Variants in PTPRG observed in about 807,000 individuals in gnomAD.
The protein encoded by PTPRG is receptor-type tyrosine-protein phosphatase gamma.
A neutral mutation model predicts 165.3 loss-of-function variants in PTPRG; 102 were observed. That is an observed-to-expected ratio of 0.62 (90% confidence interval 0.53 to 0.73). The LOEUF (loss-of-function observed/expected upper bound fraction) is 0.73. Ranked by LOEUF, PTPRG falls within the 30% of genes least tolerant of loss-of-function variation. PTPRG has a pLI of 0.00. For missense variants in PTPRG, 1,866 were observed against 1,861.4 expected (o/e 1.00, Z -0.05); for synonymous variants, 675 against 669.5 (o/e 1.01, Z -0.13).
At chr3:61,671,997 C>T (rs1342639970) in intron 1 of PTPRG, among the ~76,000 whole-genome samples, 1 of 123,718 alleles carries the variant, frequency 8.1e-6, no homozygotes, top group Non-Finnish European at 1.7e-5. Flanking sequence ...CTCCTCACTT[C>T]TCAGACGGGG....
In PTPRG at chr3:62,237,398, C is replaced by T. The variant is rs370508461; in HGVS notation, c.2375+6087C>T. ...ATAAAGGACTGTCAGAGCAGCTGGG[C>T]GTGTGTGTGTTTCATTAGTCAAGAA... is the stretch of plus-strand genomic sequence containing the variant. On this transcript the variant is annotated intron_variant, in intron 14 of 29. Coordinates refer to ENST00000474889, the MANE Select transcript of PTPRG (RefSeq NM_002841.4). This position sits in a 1 kb window ranked among gnomAD's most constrained non-coding sequence, Gnocchi z 4.5. Among the ~76,000 whole-genome samples, 5 of 151,974 alleles carry T rather than the reference C, an allele frequency of 3.3e-5. No homozygotes were observed. The highest frequency in any genetic ancestry group is 1.2e-4 in the African/African-American group (5 of 41,370).
intron 5 of PTPRG, among the ~76,000 whole-genome samples, chr3:62,127,265 C>G (rs1703327794): frequency 6.6e-6 from 1 of 152,184 alleles, no homozygotes; most frequent in Non-Finnish European, 1.5e-5. Flanking sequence ...GAACCAAAAT[C>G]TAGTTAGTGG....
rs1701280847 is a variant in PTPRG at position 62,245,972 on chromosome 3, C to T, written c.2467+2074C>T. Among the ~76,000 whole-genome samples the T allele has an allele frequency of 6.6e-6, 1 of 152,134 alleles. No homozygotes were observed. The highest frequency in any genetic ancestry group is 6.5e-5 in the Admixed American group (1 of 15,274). ...AGTAGGTATATTAGACCAGAAATTG[C>T]TTTTGAATGTTTTCTGTTTCATTCC... On this transcript the variant is annotated intron_variant, in intron 15 of 29. Coordinates refer to ENST00000474889, the MANE Select transcript of PTPRG (RefSeq NM_002841.4). This position sits in a 1 kb window ranked among gnomAD's most constrained non-coding sequence, Gnocchi z 4.2.
intron 1 of PTPRG, among the ~76,000 whole-genome samples, chr3:61,728,051 C>A (rs189168780): frequency 1.3e-5 from 2 of 152,338 alleles, no homozygotes; most frequent in Admixed American, 1.3e-4. Context: ...CCATTTCCAT[C>A]TCCATGTCTT....
At chr3:61,652,549 C>G (rs984200945) in intron 1 of PTPRG, among the ~76,000 whole-genome samples, 1 of 152,102 alleles carries the variant, frequency 6.6e-6, no homozygotes, top group Non-Finnish European at 1.5e-5. Context: ...AGCAAATGTT[C>G]CCCTTCTCTG....
In PTPRG at chr3:62,233,048, T is replaced by C. The variant is rs1327437055; in HGVS notation, c.2375+1737T>C. Among the ~76,000 whole-genome samples, 1 of 152,066 alleles carries C rather than the reference T, an allele frequency of 6.6e-6. No individual in the cohort carries two copies. The highest frequency in any genetic ancestry group is 6.5e-5 in the Admixed American group (1 of 15,282). ...TGTTGTGAAGATTAAATGGGGGTAG[T>C]ATATGTAAAATGCTTAGTGTGTGAA... On this transcript the variant is annotated intron_variant, in intron 14 of 29. Transcript: ENST00000474889. This position sits in a 1 kb window ranked among gnomAD's most constrained non-coding sequence, Gnocchi z 4.7.
At chr3:62,164,051 T>G (rs1437970542) in intron 7 of PTPRG, among the ~76,000 whole-genome samples, 1 of 152,218 alleles carries the variant, frequency 6.6e-6, no homozygotes, top group Non-Finnish European at 1.5e-5. Context: ...GATCACTGTT[T>G]AGCTATTAAC....
At chr3:61,686,194 A>T (rs1171158302) in intron 1 of PTPRG, among the ~76,000 whole-genome samples, 1 of 152,164 alleles carries the variant, frequency 6.6e-6, no homozygotes, top group Non-Finnish European at 1.5e-5. Flanking sequence ...GTTCTCTAGG[A>T]CCACTTACCT....
At chr3:61,766,630 T>A (rs1183469799) in intron 2 of PTPRG, among the ~76,000 whole-genome samples, 1 of 151,970 alleles carries the variant, frequency 6.6e-6, no homozygotes, top group African/African-American at 2.4e-5. Flanking sequence ...TTTTTTTTTT[T>A]TCGTTTAAGA....
At chr3:62,003,520 A>C in intron 4 of PTPRG, 23 bp downstream of exon 4, 1 of 1,612,716 alleles carries the variant, frequency 6.2e-7, no homozygotes, top group Non-Finnish European at 8.5e-7. Context: ...CAAGATCTCA[A>C]CGTGTAGCTG....
intron 1 of PTPRG, among the ~76,000 whole-genome samples, chr3:61,694,969 A>C (rs182480672): frequency 6.6e-6 from 1 of 151,920 alleles, no homozygotes; most frequent in African/African-American, 2.4e-5. Context: ...GAGGAGACCT[A>C]CTTTTCACTG....
intron 2 of PTPRG, among the ~76,000 whole-genome samples, chr3:61,954,489 G>GTTT (rs1444417810): frequency 6.6e-6 from 1 of 152,136 alleles, no homozygotes; most frequent in Non-Finnish European, 1.5e-5. Context: ...GTTCTGTATA[G>GTTT]GGCTGGTTTG....
chr3:61,908,064 T>G (rs2038701909), intron 2 of PTPRG, among the ~76,000 whole-genome samples: 1 of 140,206 alleles, frequency 7.1e-6, no homozygotes, highest in Admixed American at 7.9e-5. Flanking sequence ...GAGGCTATAG[T>G]GAGTTATGAT....
intron 4 of PTPRG, among the ~76,000 whole-genome samples, chr3:62,038,806 T>A (rs1162346222): frequency 1.3e-5 from 2 of 152,206 alleles, no homozygotes; most frequent in East Asian, 1.9e-4. Flanking sequence ...CTCTATTTTT[T>A]AATTTATTTT....
At position 62,277,692 on chromosome 3, in the gene PTPRG, C is replaced by T; in HGVS notation, c.3765+13C>T. ...CAACCAGAGCTTGGTAAGTAAAGCACATCTGCTATATATTAATGAGCCCAT... is the reference window on the plus strand; with the variant it reads ...CAACCAGAGCTTGGTAAGTAAAGCATATCTGCTATATATTAATGAGCCCAT... On this transcript the variant is annotated intron_variant, in intron 26 of 29. Coordinates refer to ENST00000474889, the MANE Select transcript of PTPRG (RefSeq NM_002841.4). 3 of 1,611,450 alleles carry T rather than the reference C, an allele frequency of 1.9e-6. No individual in the cohort carries two copies. The highest frequency in any genetic ancestry group is 1.7e-4 in the Middle Eastern group (1 of 6,040).
At chr3:61,893,177 A>G (rs549499941) in intron 2 of PTPRG, among the ~76,000 whole-genome samples, 1 of 152,334 alleles carries the variant, frequency 6.6e-6, no homozygotes. Flanking sequence ...CAGAAAATTT[A>G]AGAATTTATC....
intron 4 of PTPRG, among the ~76,000 whole-genome samples, chr3:62,050,340 A>G (rs770830659): frequency 5.3e-5 from 8 of 152,234 alleles, no homozygotes; most frequent in Non-Finnish European, 7.3e-5. Context: ...TACAGTATTC[A>G]ATACAGTCAT....
At chr3:61,943,371 C>T (rs908550910) in intron 2 of PTPRG, among the ~76,000 whole-genome samples, 1 of 152,114 alleles carries the variant, frequency 6.6e-6, no homozygotes, top group Non-Finnish European at 1.5e-5. Context: ...GGTGGATCAC[C>T]TGAGGTCAGG....
chr3:61,675,253 C>T (rs1164644594), intron 1 of PTPRG, among the ~76,000 whole-genome samples: 2 of 151,894 alleles, frequency 1.3e-5, no homozygotes, highest in African/African-American at 2.4e-5. Flanking sequence ...ATAACTTTTC[C>T]GGAGGATGGA....
Sources: allele counts gnomAD v4.1 joint callset (sites outside exome capture counted in the v4.1 genomes callset), GRCh38; gene constraint gnomAD v4.1.1; non-coding constraint Gnocchi (gnomAD v3.1); transcripts MANE v1.5; gene names NCBI Gene and HGNC (gene_info 2026-07-23, HGNC 2026-07-21).